SOCS7: variants seen among roughly 807,000 people sequenced by gnomAD.
SOCS7 encodes the protein suppressor of cytokine signaling 7.
SOCS7 carries 18 observed loss-of-function variants against 58.9 expected under a neutral mutation model. The observed-to-expected ratio is 0.31, with a 90% confidence interval of 0.21 to 0.45. SOCS7 has a LOEUF of 0.45. Ranked by LOEUF, SOCS7 falls within the 20% of genes least tolerant of loss-of-function variation. The pLI, the probability that SOCS7 is intolerant of heterozygous loss-of-function variation, is 1.00. For missense variants in SOCS7, 667 were observed against 837.3 expected, an observed-to-expected ratio of 0.80 and a Z score of 2.51; for synonymous variants, 388 against 364.3, an observed-to-expected ratio of 1.06 and a Z score of -0.74.
rs749749320 is a variant in SOCS7, at chr17:38,352,212, C to T, written c.160C>T (p.Pro54Ser). 2.1e-5 allele frequency: 28 copies of T among 1,344,104 alleles called. No homozygotes were observed. Among genetic ancestry groups the T allele is most frequent in the East Asian group, 1.2e-4 (4 of 32,342 alleles). 83.3% of individuals were successfully genotyped at this position (1,344,104 alleles called of 1,614,324 possible). Residue 54 changes from proline to serine, a missense_variant, in exon 1 of 10, where the codon CCC (proline) becomes TCC (serine). Physicochemically the swap from Pro to Ser is moderately conservative, Grantham distance 74. Coordinates refer to ENST00000612932, the MANE Select transcript of SOCS7 (RefSeq NM_014598.4). The surrounding 1 kb of genome is among the most constrained non-coding windows in gnomAD (Gnocchi z 5.5). ...CCCGCCGCCACCCTTCCTCGCGCGG[C>T]CCGGCCCGCGGGGCTCCCGGCCGCC... ...GPPPPPFLARPGPRGSRPPQL... is the reference protein window; with the variant it reads ...GPPPPPFLARSGPRGSRPPQL...
chr17:38,364,972 C>T lies in SOCS7; in HGVS notation c.1150+116C>T, dbSNP rs188577153. ...GTTTCCGATGATGACTCAATTATTT[C>T]CCAGCTCTTTCTCAGCACCCCGTCA... is the stretch of plus-strand genomic sequence containing the variant. On this transcript the variant is annotated intron_variant, in intron 3 of 9. Transcript: ENST00000612932. 1.7e-5 allele frequency: 13 copies of T among 743,026 alleles called. No individual in the cohort carries two copies. In the Admixed American group the frequency reaches 2.4e-4, roughly 14 times the overall value. The allele number at this position is 743,026 out of a possible 1,614,324, so 46.0% of individuals were successfully genotyped here.
chr17:38,358,696 C>T (rs370015966), intron 1 of SOCS7, among the ~76,000 whole-genome samples: 9 of 152,050 alleles, frequency 5.9e-5, no homozygotes, highest in Admixed American at 3.9e-4. Flanking sequence ...AGGCTTGTCT[C>T]CCCAAAGAGA....
At chr17:38,361,494 T>A (rs1390278146) in intron 1 of SOCS7, among the ~76,000 whole-genome samples, 1 of 152,240 alleles carries the variant, frequency 6.6e-6, no homozygotes, top group Non-Finnish European at 1.5e-5. Flanking sequence ...TCTCATTGCT[T>A]TGTAGGTTGG....
At chr17:38,353,658 C>T (rs1241210256) in intron 1 of SOCS7, among the ~76,000 whole-genome samples, 1 of 152,174 alleles carries the variant, frequency 6.6e-6, no homozygotes, top group Non-Finnish European at 1.5e-5. Flanking sequence ...AATCCCAGCA[C>T]TTTGGGAGGC....
At chr17:38,359,235 C>G (rs1555567242) in intron 1 of SOCS7, among the ~76,000 whole-genome samples, 1 of 152,166 alleles carries the variant, frequency 6.6e-6, no homozygotes, top group Admixed American at 6.5e-5. Flanking sequence ...ATTTTTGGAA[C>G]TAAGCTGCAG....
chr17:38,364,742 A>T lies in SOCS7; in HGVS notation c.1046-10A>T. 1.2e-6 allele frequency: 2 copies of T among 1,612,350 alleles called. No individual in the cohort carries two copies. Among genetic ancestry groups the T allele is most frequent in the Non-Finnish European group, 1.7e-6 (2 of 1,178,526 alleles). ...GCTTCTGTAACTTGCTTGCTCCATG[A>T]ATCCCTCAGGTGAAACTGTGTCGCT... On this transcript the variant is annotated splice_polypyrimidine_tract_variant and intron_variant, in intron 2 of 9. Transcript: ENST00000612932.
chr17:38,352,649 G>C lies in SOCS7; in HGVS notation c.597G>C (p.Glu199Asp). ...TGGAGACTAACAGCTGCTCGGAAGA[G>C]GAGCTCAGCAGCCCGGGTCGCGGAG... ...ESLETNSCSE[E>D]ELSSPGRGGG... The change falls in exon 1 of 10, where the codon GAG (glutamate) becomes GAC (aspartate). Residue 199 changes from glutamate (E) to aspartate (D), a missense_variant. Coordinates refer to ENST00000612932, the MANE Select transcript of SOCS7 (RefSeq NM_014598.4). The surrounding 1 kb of genome is among the most constrained non-coding windows in gnomAD (Gnocchi z 5.5). The C allele has an allele frequency of 6.5e-7, 1 of 1,550,048 alleles. No homozygotes were observed. Among genetic ancestry groups the C allele is most frequent in the Non-Finnish European group, 8.7e-7 (1 of 1,146,854 alleles).
chr17:38,369,791 G>T (rs374862732), intron 6 of SOCS7, among the ~76,000 whole-genome samples: 84 of 136,100 alleles, frequency 6.2e-4, no homozygotes, highest in East Asian at 3.0e-3. Flanking sequence ...TTCTTTTTTT[G>T]TTTGTTTTTT....
At position 38,404,841 on chromosome 17, in the gene SOCS7, G is replaced by A. The variant is rs984682390; in HGVS notation, c.*5359G>A. 1 of 152,364 alleles carries A rather than the reference G, an allele frequency of 6.6e-6. No individual in the cohort carries two copies. Among genetic ancestry groups the A allele is most frequent in the African/African-American group, 2.4e-5 (1 of 41,572 alleles). The allele number at this position is 152,364 out of a possible 1,614,324, so 9.4% of individuals were successfully genotyped here. ...CAGAACCTGTCCAAGGGACAGGTAG[G>A]GTCCAGGTGCCACTTTGGGTAGCTG... On this transcript the variant is annotated 3_prime_UTR_variant, in exon 10 of 10. Transcript: ENST00000612932.
chr17:38,353,009 G>A lies in SOCS7; in HGVS notation c.957G>A (p.Ala319=). Residue 319 remains alanine (A), a synonymous_variant, in exon 1 of 10, where the codon GCG becomes GCA. Coordinates refer to ENST00000612932, the MANE Select transcript of SOCS7 (RefSeq NM_014598.4). ...AASLTDMGGS[A]GRELDAGRKP... ...GCCTGACAGACATGGGAGGCTCTGC[G>A]GGCCGGGAGCTGGACGCGGGGAGGT... is the stretch of plus-strand genomic sequence containing the variant. The A allele has an allele frequency of 6.3e-7, 1 of 1,595,226 alleles. No homozygotes were observed. The highest frequency in any genetic ancestry group is 2.3e-5 in the East Asian group (1 of 44,442).
At position 38,394,955 on chromosome 17, in the gene SOCS7, C is replaced by T. The variant is rs543569665; in HGVS notation, c.1682-354C>T. On this transcript the variant is annotated intron_variant, in intron 7 of 9. Coordinates refer to ENST00000612932, the MANE Select transcript of SOCS7 (RefSeq NM_014598.4). ...GTCCCAGCTACTCAGGAGGCTGAGG[C>T]GGGAGGATTGCTTGAGTCTGGGAGG... Among the ~76,000 whole-genome samples, 22 of 152,230 alleles carry T rather than the reference C, an allele frequency of 1.4e-4. No individual in the cohort carries two copies. The East Asian group carries it at 4.3e-3, about 29-fold the overall frequency.
At chr17:38,382,385 C>T (rs1387030390) in intron 7 of SOCS7, among the ~76,000 whole-genome samples, 1 of 143,008 alleles carries the variant, frequency 7.0e-6, no homozygotes, top group Non-Finnish European at 1.5e-5. Context: ...CTGCAGTGAG[C>T]TGTGATTGCA....
chr17:38,359,416 G>A (rs1262747481), intron 1 of SOCS7, among the ~76,000 whole-genome samples: 1 of 152,116 alleles, frequency 6.6e-6, no homozygotes, highest in Non-Finnish European at 1.5e-5. Flanking sequence ...GGAGAAAGAC[G>A]GACCAGGGTT....
In SOCS7 at chr17:38,383,178, A is replaced by G. The variant is rs545213458; in HGVS notation, c.1681+5336A>G. Among the ~76,000 whole-genome samples, 41 of 152,336 alleles carry G rather than the reference A, an allele frequency of 2.7e-4. 1 individual carries two copies. Among genetic ancestry groups the G allele is most frequent in the Non-Finnish European group, 5.1e-4 (35 of 68,026 alleles). On this transcript the variant is annotated intron_variant, in intron 7 of 9. Coordinates refer to ENST00000612932, the MANE Select transcript of SOCS7 (RefSeq NM_014598.4). The stretch of plus-strand genomic sequence containing the variant: ...AGTTACTAGCTCTGTGATCTTAGGC[A>G]TGAACTGAACCTCTCTTGCCTCAGT...
intron 5 of SOCS7, 151 bp downstream of exon 5, chr17:38,366,568 C>T: frequency 1.1e-6 from 1 of 938,524 alleles, no homozygotes; most frequent in East Asian, 2.7e-5. Flanking sequence ...AATCATAGCT[C>T]ACTGTAGGCT....
intron 5 of SOCS7, among the ~76,000 whole-genome samples, 190 bp downstream of exon 5, chr17:38,366,607 C>T (rs1010151239): frequency 6.6e-6 from 1 of 152,216 alleles, no homozygotes; most frequent in Non-Finnish European, 1.5e-5. Context: ...GATCCTTCTG[C>T]CTCAGCCTCC....
At chr17:38,360,213 T>G (rs9900091) in intron 1 of SOCS7, among the ~76,000 whole-genome samples, 6,468 of 151,384 alleles carry the variant, frequency 0.043, 380 homozygotes, top group African/African-American at 0.14. Flanking sequence ...TTTTTTTTTT[T>G]GGGGATGGAG....
chr17:38,360,446 C>T (rs2037701862), intron 1 of SOCS7, among the ~76,000 whole-genome samples: 1 of 152,140 alleles, frequency 6.6e-6, no homozygotes, highest in African/African-American at 2.4e-5. Context: ...CCACCTTGGC[C>T]TCCCAAAGTG....
chr17:38,376,857 AGTC>A (rs1218929191), intron 6 of SOCS7, among the ~76,000 whole-genome samples: 2 of 152,252 alleles, frequency 1.3e-5, no homozygotes, highest in Non-Finnish European at 2.9e-5. Context: ...CATATATGAC[AGTC>A]GTCCCATAAG....
Sources: gnomAD v4.1 joint callset for allele counts (sites outside exome capture counted in the v4.1 genomes callset) on GRCh38, gnomAD v4.1.1 for gene constraint, Gnocchi (gnomAD v3.1) non-coding constraint, MANE v1.5 for transcripts, NCBI Gene and HGNC (gene_info 2026-07-23, HGNC 2026-07-21) for gene names.